KCNIP1: variants seen among roughly 807,000 people sequenced by gnomAD.
KCNIP1 encodes A-type potassium channel modulatory protein KCNIP1.
In KCNIP1, 18 loss-of-function variants were observed where a neutral mutation model predicts 33.0. The observed-to-expected ratio is 0.55, with a 90% CI of 0.38 to 0.81. The LOEUF is 0.81. Among genes scored for constraint, KCNIP1 ranks in the 30% least tolerant of loss-of-function variants. The probability of loss-of-function intolerance (pLI) is 0.00; values close to 1 mark genes in which losing one functional copy is unlikely to be tolerated. For missense variants in KCNIP1, 238 were observed against 271.6 expected (o/e 0.88, Z 0.87); for synonymous variants, 93 against 98.3 (o/e 0.95, Z 0.32).
chr5:170,636,871 A>G (rs982895995), intron 1 of KCNIP1, among the ~76,000 whole-genome samples: 1 of 152,114 alleles, frequency 6.6e-6, no homozygotes, highest in South Asian at 2.1e-4. Context: ...GCAGATGGAT[A>G]AGCAGAGGCT....
intron 1 of KCNIP1, among the ~76,000 whole-genome samples, chr5:170,455,771 A>T (rs1393273084): frequency 6.6e-6 from 1 of 152,254 alleles, no homozygotes; most frequent in African/African-American, 2.4e-5. Flanking sequence ...ACATATAAAA[A>T]TTTATGCAAT....
chr5:170,646,434 A>G (rs1310968149), intron 1 of KCNIP1, among the ~76,000 whole-genome samples: 1 of 152,228 alleles, frequency 6.6e-6, no homozygotes, highest in East Asian at 1.9e-4. Flanking sequence ...AGGCTGGTCC[A>G]ACATTTGAAA....
chr5:170,449,910 A>C (rs1756206230), intron 1 of KCNIP1, among the ~76,000 whole-genome samples: 1 of 152,138 alleles, frequency 6.6e-6, no homozygotes, highest in African/African-American at 2.4e-5. Context: ...AATTATAGAA[A>C]GACTCAAACC....
chr5:170,618,369 A>G (rs1759468352), intron 1 of KCNIP1, among the ~76,000 whole-genome samples: 1 of 148,230 alleles, frequency 6.7e-6, no homozygotes, highest in African/African-American at 2.5e-5. Context: ...GAGCCTAGCA[A>G]GAATGCATCA....
At chr5:170,469,545 G>C (rs1274857904) in intron 1 of KCNIP1, among the ~76,000 whole-genome samples, 2 of 152,160 alleles carry the variant, frequency 1.3e-5, no homozygotes, top group African/African-American at 4.8e-5. Flanking sequence ...CTTCTCTCAA[G>C]AGTGGATCCT....
intron 1 of KCNIP1, among the ~76,000 whole-genome samples, chr5:170,706,535 C>G (rs1763261930): frequency 6.6e-6 from 1 of 152,180 alleles, no homozygotes; most frequent in African/African-American, 2.4e-5. Context: ...TAATCAGAAA[C>G]CATCACTTAG....
chr5:170,707,158 CAA>C (rs34331045), intron 1 of KCNIP1, among the ~76,000 whole-genome samples: 18,026 of 125,394 alleles, frequency 0.14, 1,386 homozygotes, highest in African/African-American at 0.26. Flanking sequence ...AGTAAATCAT[CAA>C]AAAAAAAAAA....
intron 1 of KCNIP1, among the ~76,000 whole-genome samples, chr5:170,438,569 T>C (rs1196682510): frequency 6.6e-6 from 1 of 151,850 alleles, no homozygotes; most frequent in Non-Finnish European, 1.5e-5. Flanking sequence ...AAACCCAAGC[T>C]CCTCTCCATC....
At chr5:170,547,733 G>C (rs142051265) in intron 1 of KCNIP1, among the ~76,000 whole-genome samples, 46 of 152,204 alleles carry the variant, frequency 3.0e-4, no homozygotes, top group African/African-American at 1.1e-3. Context: ...AGCATTTCAT[G>C]GTGTATATAT....
chr5:170,404,258 A>G (rs142409158), intron 1 of KCNIP1, among the ~76,000 whole-genome samples: 163 of 152,342 alleles, frequency 1.1e-3, no homozygotes, highest in African/African-American at 3.8e-3. Flanking sequence ...AAAATCATCT[A>G]TAATTCTACC....
At position 170,416,600 on chromosome 5, in the gene KCNIP1, GAGA is replaced by G. The variant is rs373441890; in HGVS notation, c.88+62640_88+62642del. 6.4e-3 allele frequency among the ~76,000 whole-genome samples: 941 copies of G among 147,932 alleles called. 11 individuals are homozygous for G. Among genetic ancestry groups the G allele is most frequent in the African/African-American group, 0.022 (883 of 39,546 alleles). On this transcript the variant is annotated intron_variant, in intron 1 of 7. Transcript: ENST00000377360. ...AAGCTACATTTCTGCATTTAAAATG[GAGA>G]AGATCAGGCCACTCAGTATCTCCGG...
chr5:170,645,520 C>T (rs1169638583), intron 1 of KCNIP1, among the ~76,000 whole-genome samples: 1 of 152,156 alleles, frequency 6.6e-6, no homozygotes, highest in African/African-American at 2.4e-5. Context: ...TCAACTGTTA[C>T]ACTTGGAGGC....
chr5:170,704,618 G>T (rs779839590), intron 1 of KCNIP1, among the ~76,000 whole-genome samples: 81 of 152,314 alleles, frequency 5.3e-4, no homozygotes, highest in Non-Finnish European at 1.1e-3. Context: ...CAGCAGGAAG[G>T]TGGGGGGTTG....
chr5:170,606,006 C>G (rs377559344), intron 1 of KCNIP1, among the ~76,000 whole-genome samples: 1 of 152,158 alleles, frequency 6.6e-6, no homozygotes, highest in Non-Finnish European at 1.5e-5. Flanking sequence ...AACTCCTGAC[C>G]TCAGGTGATC....
chr5:170,527,728 GCA>G (rs1755633112), intron 1 of KCNIP1, among the ~76,000 whole-genome samples: 1 of 149,186 alleles, frequency 6.7e-6, no homozygotes. Flanking sequence ...CTGGACGTTA[GCA>G]CACACAGTTA....
chr5:170,694,576 A>G (rs1434662979), intron 1 of KCNIP1, among the ~76,000 whole-genome samples: 2 of 152,224 alleles, frequency 1.3e-5, no homozygotes, highest in Non-Finnish European at 2.9e-5. Context: ...CAACTCTGCC[A>G]CTCAATGACT....
intron 1 of KCNIP1, among the ~76,000 whole-genome samples, chr5:170,670,969 A>G (rs925901327): frequency 2.6e-5 from 4 of 151,836 alleles, no homozygotes; most frequent in Admixed American, 6.5e-5. Context: ...CACATGGTCC[A>G]GGTGTCTCCC....
At chr5:170,419,433 G>C (rs1283553076) in intron 1 of KCNIP1, among the ~76,000 whole-genome samples, 2 of 152,190 alleles carry the variant, frequency 1.3e-5, no homozygotes, top group Non-Finnish European at 2.9e-5. Flanking sequence ...TCTACCCATG[G>C]AAGAAGGAAG....
chr5:170,383,529 A>G (rs56745446), intron 1 of KCNIP1: 3 of 838,866 alleles, frequency 3.6e-6, no homozygotes, highest in Non-Finnish European at 5.8e-6. Context: ...TCCAACACAG[A>G]AGAGCTAGGG....
Sources: gnomAD v4.1 joint callset for allele counts (sites outside exome capture counted in the v4.1 genomes callset) on GRCh38, gnomAD v4.1.1 for gene constraint, MANE v1.5 for transcripts, NCBI Gene and HGNC (gene_info 2026-07-23, HGNC 2026-07-21) for gene names.